GRID2: variants seen among roughly 807,000 people sequenced by gnomAD.
GRID2 encodes glutamate ionotropic receptor delta type subunit 2, also known as glutamate receptor ionotropic, delta-2.
A neutral mutation model predicts 114.8 loss-of-function variants in GRID2; 33 were observed. The observed-to-expected ratio is 0.29, with a 90% CI of 0.22 to 0.38. The LOEUF is 0.38. Ranked by LOEUF, GRID2 falls within the 10% of genes least tolerant of loss-of-function variation. GRID2 has a pLI of 1.00. For synonymous variants in GRID2, 505 were observed against 449.9 expected, an observed-to-expected ratio of 1.12 and a Z score of -1.55; for missense variants, 1,184 against 1,257.7, an observed-to-expected ratio of 0.94 and a Z score of 0.89.
At chr4:92,758,624 G>C (rs1414518764) in intron 2 of GRID2, among the ~76,000 whole-genome samples, 1 of 152,044 alleles carries the variant, frequency 6.6e-6, no homozygotes, top group African/African-American at 2.4e-5. Flanking sequence ...GAGGATTCAG[G>C]CAATTCACTT....
Position 93,216,920 on chromosome 4 carries a change from T to TA in GRID2, c.963+12dup, listed in dbSNP as rs1335301566. 1 of 1,590,614 alleles carries TA rather than the reference T, an allele frequency of 6.3e-7. No individual in the cohort carries two copies. Among genetic ancestry groups the TA allele is most frequent in the Admixed American group, 1.7e-5 (1 of 59,770 alleles). On this transcript the variant is annotated intron_variant, in intron 6 of 15. Coordinates refer to ENST00000282020, the MANE Select transcript of GRID2 (RefSeq NM_001510.4). ...TTGCTCAGAATATGGAGGTATATTA[T>TA]AAATGACAGGATATTTCTTCCAGGG... is the stretch of plus-strand genomic sequence containing the variant.
intron 2 of GRID2, among the ~76,000 whole-genome samples, chr4:92,701,567 T>C (rs1734677642): frequency 6.6e-6 from 1 of 152,110 alleles, no homozygotes; most frequent in African/African-American, 2.4e-5. Flanking sequence ...AGGAAGAACT[T>C]TTATTTGTTT....
rs188522012 is a variant in GRID2 at position 93,259,696 on chromosome 4, G to A, written c.1245+21206G>A. On this transcript the variant is annotated intron_variant, in intron 8 of 15. Transcript: ENST00000282020. ...TTTCACAAGAAATGTGAATGTAACG[G>A]TTACATGTAAAGTTCAAAAACTATG... 5.9e-5 allele frequency among the ~76,000 whole-genome samples: 9 copies of A among 151,768 alleles called. No homozygotes were observed. The East Asian group carries it at 1.5e-3, about 26-fold the overall frequency.
At chr4:93,586,724 A>C (rs554572624) in intron 13 of GRID2, among the ~76,000 whole-genome samples, 1 of 152,188 alleles carries the variant, frequency 6.6e-6, no homozygotes, top group Non-Finnish European at 1.5e-5. Context: ...TGGATGCAAA[A>C]CCTTCTGTTC....
chr4:92,674,152 C>T (rs1029404983), intron 2 of GRID2, among the ~76,000 whole-genome samples: 1 of 151,826 alleles, frequency 6.6e-6, no homozygotes, highest in African/African-American at 2.4e-5. Context: ...GTTTCTTAGG[C>T]CTTCAGTTGA....
At chr4:93,686,131 T>C (rs1469553706) in intron 14 of GRID2, among the ~76,000 whole-genome samples, 1 of 152,026 alleles carries the variant, frequency 6.6e-6, no homozygotes, top group Non-Finnish European at 1.5e-5. Context: ...TTGCCAAAAC[T>C]ATCTCTACGT....
chr4:92,718,495 G>T (rs893266722), intron 2 of GRID2, among the ~76,000 whole-genome samples: 2 of 152,016 alleles, frequency 1.3e-5, no homozygotes, highest in African/African-American at 4.8e-5. Flanking sequence ...GGCCAGGAAT[G>T]GTGGCTAATG....
At chr4:93,002,634 T>C (rs1332213232) in intron 2 of GRID2, among the ~76,000 whole-genome samples, 5 of 151,696 alleles carry the variant, frequency 3.3e-5, no homozygotes, top group South Asian at 2.1e-4. Flanking sequence ...TTTCTATTTT[T>C]CCCCCCGGTA....
intron 1 of GRID2, among the ~76,000 whole-genome samples, chr4:93,791,585 G>A (rs1256597474): frequency 6.6e-6 from 1 of 152,150 alleles, no homozygotes; most frequent in Non-Finnish European, 1.5e-5. Context: ...CTAAAAATGT[G>A]TTTGTTTTTC....
chr4:92,903,459 C>T (rs1747728440), intron 2 of GRID2, among the ~76,000 whole-genome samples: 1 of 151,974 alleles, frequency 6.6e-6, no homozygotes, highest in Non-Finnish European at 1.5e-5. Flanking sequence ...AATACCCACA[C>T]ATTAAGAATA....
chr4:93,606,248 CAA>C (rs1740225028), intron 13 of GRID2, among the ~76,000 whole-genome samples: 1 of 151,280 alleles, frequency 6.6e-6, no homozygotes, highest in Non-Finnish European at 1.5e-5. Flanking sequence ...ACCTGGGCGA[CAA>C]AGAGAGAGTC....
At chr4:92,503,533 T>G (rs1165657312) in intron 1 of GRID2, among the ~76,000 whole-genome samples, 6 of 152,110 alleles carry the variant, frequency 3.9e-5, no homozygotes, top group Non-Finnish European at 5.9e-5. Context: ...ATTGTGATAA[T>G]TTGATAATGT....
At chr4:93,043,091 G>T (rs1364371607) in intron 2 of GRID2, among the ~76,000 whole-genome samples, 1 of 152,042 alleles carries the variant, frequency 6.6e-6, no homozygotes, top group Non-Finnish European at 1.5e-5. Flanking sequence ...AGATATCAAG[G>T]TCTGTTAATG....
At chr4:93,615,037 CTCT>C (rs762027708) in intron 13 of GRID2, among the ~76,000 whole-genome samples, 35 of 152,136 alleles carry the variant, frequency 2.3e-4, no homozygotes, top group Non-Finnish European at 5.1e-4. Context: ...TGCAATGCTG[CTCT>C]TATCAAGCCT....
At chr4:93,762,678 T>C (rs540356719) in intron 14 of GRID2, among the ~76,000 whole-genome samples, 4 of 152,254 alleles carry the variant, frequency 2.6e-5, no homozygotes, top group African/African-American at 9.6e-5. Context: ...CTTTAGGGTC[T>C]CTGGGGGAGT....
At chr4:92,659,479 G>T (rs1039769735) in intron 2 of GRID2, among the ~76,000 whole-genome samples, 3 of 151,316 alleles carry the variant, frequency 2.0e-5, no homozygotes, top group Non-Finnish European at 3.0e-5. Context: ...TTCAGATAGA[G>T]CACTCAAAGA....
chr4:93,294,461 A>AGT (rs978631272), intron 8 of GRID2, among the ~76,000 whole-genome samples: 11 of 151,612 alleles, frequency 7.3e-5, no homozygotes, highest in Admixed American at 2.6e-4. Flanking sequence ...AGAGAGAGAG[A>AGT]GTGTGTGTGT....
At chr4:92,327,987 A>G (rs1056510052) in intron 1 of GRID2, among the ~76,000 whole-genome samples, 4 of 152,072 alleles carry the variant, frequency 2.6e-5, no homozygotes, top group Admixed American at 6.6e-5. Flanking sequence ...AACATAAAAG[A>G]TTATTTTTAC....
At chr4:93,314,981 C>T (rs535002328) in intron 8 of GRID2, among the ~76,000 whole-genome samples, 1 of 152,184 alleles carries the variant, frequency 6.6e-6, no homozygotes, top group South Asian at 2.1e-4. Flanking sequence ...CTTCCTGAGA[C>T]TGGGTAATTT....
Sources: allele counts gnomAD v4.1 joint callset (sites outside exome capture counted in the v4.1 genomes callset), GRCh38; gene constraint gnomAD v4.1.1; transcripts MANE v1.5; gene names NCBI Gene and HGNC (gene_info 2026-07-23, HGNC 2026-07-21).